The following ZNF678 variants were observed in gnomAD, a reference collection of about 807,000 sequenced individuals.
ZNF678 encodes hypothetical protein MGC42493.
In ZNF678, 5 loss-of-function variants were observed where a neutral mutation model predicts 3.0. The ratio of observed to expected loss-of-function variants is 1.69; its 90% CI spans 0.88 to 3.56. ZNF678 has a LOEUF of 3.56. Among genes scored for constraint, ZNF678 ranks in the 30% most tolerant of loss-of-function variants. The pLI, the probability that ZNF678 is intolerant of heterozygous loss-of-function variation, is 0.00. For missense variants in ZNF678, 593 were observed against 605.0 expected, an observed-to-expected ratio of 0.98 and a Z score of 0.21; for synonymous variants, 218 against 199.6, an observed-to-expected ratio of 1.09 and a Z score of -0.78.
intron 1 of ZNF678, among the ~76,000 whole-genome samples, chr1:227,578,128 T>G (rs139639783): frequency 1.0e-3 from 156 of 152,366 alleles, no homozygotes; most frequent in African/African-American, 3.6e-3. Context: ...TGGGCTTCCC[T>G]TTGTAGGTTA....
downstream of ZNF678, among the ~76,000 whole-genome samples, chr1:227,678,309 A>C (rs1177966780): frequency 6.6e-6 from 1 of 152,102 alleles, no homozygotes; most frequent in Non-Finnish European, 1.5e-5. Flanking sequence ...AAGGGACTAC[A>C]CTGTATGTTG....
chr1:227,678,574 G>T (rs576029095), downstream of ZNF678, among the ~76,000 whole-genome samples: 1 of 152,128 alleles, frequency 6.6e-6, no homozygotes, highest in Non-Finnish European at 1.5e-5. Context: ...ATACACCCCG[G>T]GCTGATGTCT....
At chr1:227,672,759 C>A (rs902602957) in intron 5 of ZNF678, among the ~76,000 whole-genome samples, 2 of 152,122 alleles carry the variant, frequency 1.3e-5, no homozygotes, top group Non-Finnish European at 2.9e-5. Context: ...CTCTACCTCA[C>A]AGGACTAGCT....
intron 5 of ZNF678, among the ~76,000 whole-genome samples, chr1:227,672,040 A>T (rs1421638886): frequency 2.0e-5 from 3 of 152,208 alleles, no homozygotes; most frequent in African/African-American, 4.8e-5. Context: ...GCAGAGCAAA[A>T]TGCAAAGGTA....
intron 1 of ZNF678, among the ~76,000 whole-genome samples, chr1:227,569,425 TTTTG>T (rs1467074092): frequency 1.3e-5 from 2 of 152,220 alleles, no homozygotes; most frequent in Non-Finnish European, 2.9e-5. Flanking sequence ...TTGCATTGTT[TTTTG>T]TTTGTTTTTT....
At chr1:227,591,505 T>G (rs1041080234) in intron 1 of ZNF678, among the ~76,000 whole-genome samples, 1 of 152,334 alleles carries the variant, frequency 6.6e-6, no homozygotes, top group East Asian at 1.9e-4. Context: ...ACATCCTATT[T>G]TTAACTTATT....
intron 1 of ZNF678, among the ~76,000 whole-genome samples, chr1:227,643,096 C>A (rs1246576629): frequency 6.6e-6 from 1 of 152,026 alleles, no homozygotes; most frequent in Non-Finnish European, 1.5e-5. Flanking sequence ...GAGCTTCTTA[C>A]TTCCCTAATG....
chr1:227,591,716 T>C (rs1657418405), intron 1 of ZNF678, among the ~76,000 whole-genome samples: 1 of 152,138 alleles, frequency 6.6e-6, no homozygotes, highest in Admixed American at 6.5e-5. Context: ...CTAAATACCT[T>C]GTATAGAATA....
intron 1 of ZNF678, among the ~76,000 whole-genome samples, chr1:227,569,225 A>G (rs942184490): frequency 1.3e-5 from 2 of 152,318 alleles, no homozygotes; most frequent in South Asian, 4.1e-4. Flanking sequence ...CCTGGCCTCA[A>G]GGTTGCTTTC....
At chr1:227,670,961 C>G (rs1571928607) in intron 5 of ZNF678, among the ~76,000 whole-genome samples, 1 of 142,562 alleles carries the variant, frequency 7.0e-6, no homozygotes, top group Non-Finnish European at 1.5e-5. Context: ...TCATGTGAGG[C>G]CTTTTATTTT....
chr1:227,609,816 C>A (rs1657969427), intron 1 of ZNF678, among the ~76,000 whole-genome samples: 1 of 152,032 alleles, frequency 6.6e-6, no homozygotes, highest in Non-Finnish European at 1.5e-5. Flanking sequence ...TCACTGCAAC[C>A]TCTGCCTCCC....
chr1:227,623,283 G>A (rs966884910), intron 1 of ZNF678, among the ~76,000 whole-genome samples: 1 of 152,222 alleles, frequency 6.6e-6, no homozygotes, highest in African/African-American at 2.4e-5. Context: ...TGGAAGGAAT[G>A]CAGAAAGTAG....
intron 1 of ZNF678, among the ~76,000 whole-genome samples, chr1:227,640,405 C>G (rs894679063): frequency 2.0e-5 from 3 of 151,844 alleles, no homozygotes; most frequent in Admixed American, 6.6e-5. Flanking sequence ...GGGCAGCAGT[C>G]TGCTGGATCT....
intron 1 of ZNF678, among the ~76,000 whole-genome samples, chr1:227,602,543 C>T (rs1385982648): frequency 2.6e-5 from 4 of 152,118 alleles, no homozygotes; most frequent in African/African-American, 9.7e-5. Context: ...TCGTAGAGTG[C>T]AATTATTTTT....
intron 1 of ZNF678, among the ~76,000 whole-genome samples, chr1:227,575,044 T>C (rs1656953264): frequency 6.6e-6 from 1 of 152,066 alleles, no homozygotes; most frequent in Non-Finnish European, 1.5e-5. Flanking sequence ...GAAGATCAAA[T>C]AGTTGTATAG....
chr1:227,596,464 C>T (rs1371843381), intron 1 of ZNF678, among the ~76,000 whole-genome samples: 1 of 152,174 alleles, frequency 6.6e-6, no homozygotes, highest in Non-Finnish European at 1.5e-5. Context: ...CAATGCTCTT[C>T]CATACAATGT....
chr1:227,566,047 C>T (rs1158479915), intron 1 of ZNF678, among the ~76,000 whole-genome samples: 1 of 152,152 alleles, frequency 6.6e-6, no homozygotes, highest in Admixed American at 6.5e-5. Flanking sequence ...AGGCGTGAGC[C>T]ACCGCGCCCG....
At chr1:227,650,833 G>C (rs575310585) in intron 2 of ZNF678, 123 bp from the exon 3 acceptor site, 1 of 683,340 alleles carries the variant, frequency 1.5e-6, no homozygotes, top group East Asian at 2.7e-5. Context: ...TGAGATTTTT[G>C]ATTTATTTGT....
intron 1 of ZNF678, among the ~76,000 whole-genome samples, chr1:227,582,358 T>A (rs1461111931): frequency 6.6e-6 from 1 of 152,156 alleles, no homozygotes; most frequent in East Asian, 1.9e-4. Flanking sequence ...CTGTCACCCT[T>A]GGTGAAGTGC....
Sources: allele counts gnomAD v4.1 joint callset (sites outside exome capture counted in the v4.1 genomes callset), GRCh38; gene constraint gnomAD v4.1.1; transcripts MANE v1.5; gene names NCBI Gene and HGNC (gene_info 2026-07-23, HGNC 2026-07-21).